Variants in MAGI2 observed in about 807,000 individuals in gnomAD.
The protein encoded by MAGI2 is membrane-associated guanylate kinase, WW and PDZ domain-containing protein 2.
Under a neutral mutation model 133.3 loss-of-function variants are expected in MAGI2, and 35 were observed. The observed-to-expected ratio is 0.26, with a 90% CI of 0.20 to 0.35. The LOEUF (loss-of-function observed/expected upper bound fraction) is 0.35. Among genes scored for constraint, MAGI2 ranks in the 10% least tolerant of loss-of-function variants. MAGI2 has a pLI of 1.00. For synonymous variants in MAGI2, 729 were observed against 710.6 expected, an observed-to-expected ratio of 1.03 and a Z score of -0.41; for missense variants, 1,636 against 1,863.4, an observed-to-expected ratio of 0.88 and a Z score of 2.25.
At chr7:78,302,932 A>G (rs772277441) in intron 9 of MAGI2, among the ~76,000 whole-genome samples, 1 of 152,198 alleles carries the variant, frequency 6.6e-6, no homozygotes, top group Non-Finnish European at 1.5e-5. Context: ...GGATATGAAC[A>G]GGTAAAGAGG....
rs1251908915 is a variant in MAGI2 at position 78,238,692 on chromosome 7, G to A, written c.2047+17251C>T. Among the ~76,000 whole-genome samples, 3 of 152,072 alleles carry A rather than the reference G, an allele frequency of 2.0e-5. No homozygotes were observed. In the East Asian group the frequency reaches 5.8e-4, roughly 29 times the overall value. On this transcript the variant is annotated intron_variant, in intron 10 of 21. Coordinates refer to ENST00000354212, the MANE Select transcript of MAGI2 (RefSeq NM_012301.4). ...AAGCTTTCTTCATCTAGTTTGGACTGCAGTGGAAGCCAGCTTGCCTGCCTG... is the reference window on the plus strand; with the variant it reads ...AAGCTTTCTTCATCTAGTTTGGACTACAGTGGAAGCCAGCTTGCCTGCCTG...
intron 1 of MAGI2, among the ~76,000 whole-genome samples, chr7:79,142,344 C>G (rs1822216847): frequency 6.6e-6 from 1 of 152,176 alleles, no homozygotes; most frequent in Admixed American, 6.5e-5. Flanking sequence ...ACTCCACCAA[C>G]ACCTGAGTTT....
intron 6 of MAGI2, among the ~76,000 whole-genome samples, chr7:78,465,338 T>C (rs1790509046): frequency 6.6e-6 from 1 of 152,162 alleles, no homozygotes. Flanking sequence ...AATGGGCACA[T>C]AGAGACTATG....
intron 1 of MAGI2, among the ~76,000 whole-genome samples, chr7:79,169,482 T>C (rs1030654924): frequency 6.6e-6 from 1 of 152,072 alleles, no homozygotes; most frequent in African/African-American, 2.4e-5. Flanking sequence ...ATTTAACATT[T>C]GTATCAACAC....
At chr7:78,690,562 T>C (rs968823512) in intron 2 of MAGI2, among the ~76,000 whole-genome samples, 6 of 152,234 alleles carry the variant, frequency 3.9e-5, no homozygotes, top group African/African-American at 1.2e-4. Context: ...AGAGTAATTC[T>C]AGCACATTGG....
chr7:78,948,927 TA>T (rs1801649473), intron 2 of MAGI2, among the ~76,000 whole-genome samples: 1 of 152,120 alleles, frequency 6.6e-6, no homozygotes, highest in Non-Finnish European at 1.5e-5. Flanking sequence ...CACATGCTCC[TA>T]AATTGTATAC....
intron 9 of MAGI2, among the ~76,000 whole-genome samples, chr7:78,276,451 T>TA (rs1269298256): frequency 6.6e-6 from 1 of 151,816 alleles, no homozygotes; most frequent in Non-Finnish European, 1.5e-5. Flanking sequence ...TAGAGCTAAG[T>TA]GGTGGAATTT....
intron 2 of MAGI2, among the ~76,000 whole-genome samples, chr7:78,641,077 C>T (rs994237696): frequency 2.4e-4 from 36 of 152,274 alleles, no homozygotes; most frequent in African/African-American, 8.7e-4. Flanking sequence ...CTCCTTGCTG[C>T]CACCATGTGA....
At chr7:78,499,893 C>T (rs574451464) in intron 5 of MAGI2, among the ~76,000 whole-genome samples, 15 of 152,200 alleles carry the variant, frequency 9.9e-5, no homozygotes, top group African/African-American at 3.4e-4. Context: ...GCTGTCTTTA[C>T]CAATATCAAA....
chr7:78,125,580 A>C (rs1041879622), intron 20 of MAGI2, 114 bp downstream of exon 20: 3 of 1,054,760 alleles, frequency 2.8e-6, no homozygotes, highest in Non-Finnish European at 4.1e-6. Flanking sequence ...ATCAACTAGA[A>C]AGAGGGCAAA....
chr7:78,429,268 G>T lies in MAGI2; in HGVS notation c.1046-60055C>A, dbSNP rs1339219973. Among the ~76,000 whole-genome samples the T allele has an allele frequency of 2.1e-5, 3 of 140,268 alleles. No homozygotes were observed. The East Asian group carries it at 5.8e-4, about 27-fold the overall frequency. 92.0% of individuals were successfully genotyped at this position (140,268 alleles called of 152,430 possible). On this transcript the variant is annotated intron_variant, in intron 6 of 21. Coordinates refer to ENST00000354212, the MANE Select transcript of MAGI2 (RefSeq NM_012301.4). ...TCAGAACTCCCATCCCCTCCTCATTGTTTTCTCTGGTCTTTGGTGCTATGC... is the reference window on the plus strand; with the variant it reads ...TCAGAACTCCCATCCCCTCCTCATTTTTTTCTCTGGTCTTTGGTGCTATGC...
At chr7:78,086,208 C>A (rs1327389123) in intron 20 of MAGI2, among the ~76,000 whole-genome samples, 2 of 145,918 alleles carry the variant, frequency 1.4e-5, no homozygotes, top group African/African-American at 5.1e-5. Context: ...TCTCCTTACT[C>A]TTCTAGGGCT....
chr7:78,540,953 CAG>C (rs1018940140), intron 3 of MAGI2, among the ~76,000 whole-genome samples: 2 of 152,238 alleles, frequency 1.3e-5, no homozygotes, highest in African/African-American at 4.8e-5. Flanking sequence ...TCAGCCATCT[CAG>C]AGTTTGCCGT....
At chr7:79,008,707 A>G (rs1807729777) in intron 1 of MAGI2, 1 of 152,180 alleles carries the variant, frequency 6.6e-6, no homozygotes, top group South Asian at 2.1e-4. Context: ...GAAGCAGAGC[A>G]GTCAGAAATA....
At chr7:78,810,998 A>T (rs963256665) in intron 2 of MAGI2, among the ~76,000 whole-genome samples, 2 of 152,056 alleles carry the variant, frequency 1.3e-5, no homozygotes, top group African/African-American at 4.8e-5. Context: ...GGATGTAGGC[A>T]ATAAATTGAA....
rs1246956479 is a variant in MAGI2 at position 78,718,050 on chromosome 7, C to T, written c.419-90811G>A. Among the ~76,000 whole-genome samples the T allele has an allele frequency of 5.9e-5, 9 of 152,134 alleles. 1 individual carries two copies. In the South Asian group the frequency reaches 1.7e-3, roughly 28 times the overall value. On this transcript the variant is annotated intron_variant, in intron 2 of 21. Transcript: ENST00000354212. ...ATTTCTTTATTTAACAAGGGTGGAA[C>T]GCCTTGCTCATTTATCATCATAGCT... is the stretch of plus-strand genomic sequence containing the variant.
chr7:78,823,351 AGGCG>A (rs879556124), intron 2 of MAGI2, among the ~76,000 whole-genome samples: 42 of 152,164 alleles, frequency 2.8e-4, no homozygotes, highest in Middle Eastern at 3.4e-3. Context: ...TGGGAGGCCG[AGGCG>A]GGTGGATCAC....
intron 2 of MAGI2, among the ~76,000 whole-genome samples, chr7:78,786,842 A>T (rs138428962): frequency 3.9e-5 from 6 of 152,298 alleles, no homozygotes; most frequent in African/African-American, 1.4e-4. Flanking sequence ...AATGAGGCAG[A>T]GATTTGAGTT....
At chr7:79,116,094 G>A (rs572663528) in intron 1 of MAGI2, among the ~76,000 whole-genome samples, 1 of 152,102 alleles carries the variant, frequency 6.6e-6, no homozygotes, top group East Asian at 1.9e-4. Flanking sequence ...CTGCAGACAA[G>A]GTAGAGGAAG....
Sources: allele counts gnomAD v4.1 joint callset (sites outside exome capture counted in the v4.1 genomes callset), GRCh38; gene constraint gnomAD v4.1.1; transcripts MANE v1.5; gene names NCBI Gene and HGNC (gene_info 2026-07-23, HGNC 2026-07-21).